Variants in LRBA observed in about 807,000 individuals in gnomAD.
LRBA encodes lipopolysaccharide-responsive and beige-like anchor protein.
A neutral mutation model predicts 330.0 loss-of-function variants in LRBA; 176 were observed. The observed-to-expected ratio is 0.53, with a 90% CI of 0.47 to 0.60. The LOEUF is 0.60. Ranked by LOEUF, LRBA falls within the 20% of genes least tolerant of loss-of-function variation. LRBA has a pLI of 0.00. For synonymous variants in LRBA, 1,230 were observed against 1,193.0 expected (o/e 1.03, Z -0.64); for missense variants, 3,259 against 3,444.8 (o/e 0.95, Z 1.35).
chr4:150,372,247 C>G (rs2151866539), intron 47 of LRBA, among the ~76,000 whole-genome samples: 1 of 152,110 alleles, frequency 6.6e-6, no homozygotes, highest in East Asian at 1.9e-4. Flanking sequence ...TCAATTAATT[C>G]TCAATTTTAT....
intron 40 of LRBA, among the ~76,000 whole-genome samples, chr4:150,499,325 T>C (rs560357212): frequency 1.3e-5 from 2 of 152,308 alleles, no homozygotes; most frequent in African/African-American, 4.8e-5. Context: ...TAACATGCTA[T>C]TGTTGCTGAA....
At chr4:150,762,401 A>G (rs564009171) in intron 34 of LRBA, among the ~76,000 whole-genome samples, 2 of 152,002 alleles carry the variant, frequency 1.3e-5, no homozygotes, top group East Asian at 1.9e-4. Context: ...AAATCTACTA[A>G]CTATATTCTT....
chr4:150,485,712 T>G (rs1235940281), intron 42 of LRBA, among the ~76,000 whole-genome samples: 1 of 151,966 alleles, frequency 6.6e-6, no homozygotes, highest in Non-Finnish European at 1.5e-5. Flanking sequence ...TTTGAACTTC[T>G]TGCCTCCAAA....
chr4:150,353,401 G>A (rs1014927204), intron 47 of LRBA, among the ~76,000 whole-genome samples: 12 of 152,084 alleles, frequency 7.9e-5, no homozygotes, highest in Admixed American at 7.2e-4. Flanking sequence ...GAGTGTCCAT[G>A]GTGTTGTGAT....
At chr4:150,618,852 A>G (rs964757819) in intron 37 of LRBA, among the ~76,000 whole-genome samples, 9 of 10,502 alleles carry the variant, frequency 8.6e-4, no homozygotes, top group South Asian at 6.0e-3. Context: ...GTGTATGTAT[A>G]TATATATATA....
intron 36 of LRBA, among the ~76,000 whole-genome samples, chr4:150,719,930 T>C (rs1174390086): frequency 1.3e-5 from 2 of 152,096 alleles, no homozygotes; most frequent in Admixed American, 6.6e-5. Context: ...TATAGTCTAA[T>C]GAGATAGAAT....
At chr4:150,730,464 A>G (rs534590023) in intron 36 of LRBA, among the ~76,000 whole-genome samples, 54 of 152,182 alleles carry the variant, frequency 3.5e-4, no homozygotes, top group African/African-American at 1.2e-3. Flanking sequence ...AGGCAGATCA[A>G]TTGAGGCCAG....
At chr4:150,605,070 A>G (rs902040674) in intron 37 of LRBA, among the ~76,000 whole-genome samples, 2 of 152,186 alleles carry the variant, frequency 1.3e-5, no homozygotes, top group African/African-American at 4.8e-5. Flanking sequence ...ACCAAAAACC[A>G]TTAAGTTCGC....
intron 34 of LRBA, among the ~76,000 whole-genome samples, chr4:150,765,099 A>G (rs1735585998): frequency 6.6e-6 from 1 of 151,488 alleles, no homozygotes. Context: ...AAAAAAAAAG[A>G]GCTATCAAGC....
intron 19 of LRBA, among the ~76,000 whole-genome samples, 179 bp downstream of exon 19, chr4:150,871,166 C>G (rs1753390396): frequency 1.3e-5 from 2 of 152,082 alleles, no homozygotes; most frequent in Admixed American, 1.3e-4. Context: ...TCACTTGAAC[C>G]CGGGAGGTGG....
At chr4:150,716,321 C>G (rs1228249161) in intron 36 of LRBA, among the ~76,000 whole-genome samples, 7 of 152,084 alleles carry the variant, frequency 4.6e-5, no homozygotes, top group Non-Finnish European at 1.0e-4. Flanking sequence ...GTTGTGGGCA[C>G]CTGTAATCCC....
intron 37 of LRBA, among the ~76,000 whole-genome samples, chr4:150,610,894 A>AT (rs1775190539): frequency 6.6e-6 from 1 of 152,100 alleles, no homozygotes; most frequent in Non-Finnish European, 1.5e-5. Flanking sequence ...TATAAATTTG[A>AT]TTTTCCAATG....
Position 150,631,140 on chromosome 4 carries a change from C to T in LRBA, c.5922-32009G>A, listed in dbSNP as rs553062023. Reference sequence around the variant, plus strand: ...TCCTAGAAATAGTGGCAATATTCAACACTTGCTTTAAAGATTTCAGAGTTT... The same window carrying T: ...TCCTAGAAATAGTGGCAATATTCAATACTTGCTTTAAAGATTTCAGAGTTT... On this transcript the variant is annotated intron_variant, in intron 37 of 56. Coordinates refer to ENST00000651943, the MANE Select transcript of LRBA (RefSeq NM_001364905.1). 1.1e-4 allele frequency among the ~76,000 whole-genome samples: 16 copies of T among 151,592 alleles called. No individual in the cohort carries two copies. The South Asian group carries it at 2.7e-3, about 26-fold the overall frequency.
intron 7 of LRBA, 110 bp from the exon 8 acceptor site, chr4:150,915,837 A>C: frequency 1.4e-6 from 1 of 702,994 alleles, no homozygotes; most frequent in Non-Finnish European, 2.1e-6. Context: ...CCTAAAAATA[A>C]AACAAGACTA....
chr4:150,765,328 T>C (rs957895823), intron 34 of LRBA, among the ~76,000 whole-genome samples: 12 of 152,046 alleles, frequency 7.9e-5, no homozygotes, highest in African/African-American at 2.7e-4. Flanking sequence ...ACTATAATGA[T>C]GAAGACACAC....
intron 40 of LRBA, among the ~76,000 whole-genome samples, chr4:150,512,172 A>T (rs1761899757): frequency 6.6e-6 from 1 of 152,132 alleles, no homozygotes; most frequent in African/African-American, 2.4e-5. Flanking sequence ...GAAAAGAGAG[A>T]TCTTTAGGCT....
At chr4:150,795,531 T>A (rs1740661680) in intron 34 of LRBA, among the ~76,000 whole-genome samples, 1 of 152,028 alleles carries the variant, frequency 6.6e-6, no homozygotes, top group Non-Finnish European at 1.5e-5. Flanking sequence ...GATGAATAAA[T>A]CTATTTTTAC....
chr4:150,404,800 T>C lies in LRBA; in HGVS notation c.7194+10638A>G, dbSNP rs79300228. ...ATCATAGAAGTTACTTACCCCAGAA[T>C]AAACACAGAATTTGAATATTTTTCT... On this transcript the variant is annotated intron_variant, in intron 47 of 56. Transcript: ENST00000651943. Among the ~76,000 whole-genome samples the C allele has an allele frequency of 3.5e-3, 536 of 152,312 alleles. 29 individuals carry two copies. In the East Asian group the frequency reaches 0.096, roughly 27 times the overall value.
At chr4:151,011,778 GATCCTCCCACCTC>G (rs1194891942) in intron 2 of LRBA, among the ~76,000 whole-genome samples, 1 of 151,736 alleles carries the variant, frequency 6.6e-6, no homozygotes, top group East Asian at 1.9e-4. Flanking sequence ...GGGCTCAAGG[GATCCTCCCACCTC>G]ATCCTCCCAA....
Sources: allele counts gnomAD v4.1 joint callset (sites outside exome capture counted in the v4.1 genomes callset), GRCh38; gene constraint gnomAD v4.1.1; transcripts MANE v1.5; gene names NCBI Gene and HGNC (gene_info 2026-07-23, HGNC 2026-07-21).